The following SEMA4D variants were observed in gnomAD, a reference collection of about 807,000 sequenced individuals.
The protein encoded by SEMA4D is semaphorin-4D.
SEMA4D carries 22 observed loss-of-function variants against 74.8 expected under a neutral mutation model. The observed-to-expected ratio is 0.29, with a 90% confidence interval of 0.21 to 0.42. The LOEUF (loss-of-function observed/expected upper bound fraction) is 0.42, where lower values mean the gene tolerates loss of function less well. SEMA4D is among the 10% of genes least tolerant of loss of function. The probability of loss-of-function intolerance (pLI) is 1.00; values close to 1 mark genes in which losing one functional copy is unlikely to be tolerated. For synonymous variants in SEMA4D, 445 were observed against 463.7 expected (o/e 0.96, Z 0.52); for missense variants, 937 against 1,118.4 (o/e 0.84, Z 2.31).
At chr9:89,371,434 G>A (rs1255756804) in intron 16 of SEMA4D, among the ~76,000 whole-genome samples, 1 of 113,596 alleles carries the variant, frequency 8.8e-6, no homozygotes, top group Non-Finnish European at 1.9e-5. Flanking sequence ...TGGGGTGTGT[G>A]TGTGGGGTGT....
Position 89,377,344 on chromosome 9 carries a change from A to C in SEMA4D, c.*1360T>G. ...ATAAAACACAAATGTTTACACCAAAATGGTCAAATCCTATCATGCTGGAAG... is the reference window on the plus strand; with the variant it reads ...ATAAAACACAAATGTTTACACCAAACTGGTCAAATCCTATCATGCTGGAAG... On this transcript the variant is annotated 3_prime_UTR_variant, in exon 16 of 16. Transcript: ENST00000422704. 8.3e-5 allele frequency: 24 copies of C among 290,474 alleles called. No individual in the cohort carries two copies. Among genetic ancestry groups the C allele is most frequent in the Non-Finnish European group, 1.1e-4 (18 of 158,640 alleles). 18.0% of individuals were successfully genotyped at this position (290,474 alleles called of 1,614,324 possible).
intron 1 of SEMA4D, among the ~76,000 whole-genome samples, chr9:89,459,278 TG>T (rs1856704026): frequency 6.6e-6 from 1 of 152,186 alleles, no homozygotes. Flanking sequence ...GCATTTCTAA[TG>T]GGCCCTCAGG....
At chr9:89,489,133 C>T (rs1324086577) in intron 1 of SEMA4D, among the ~76,000 whole-genome samples, 2 of 152,208 alleles carry the variant, frequency 1.3e-5, no homozygotes, top group African/African-American at 4.8e-5. Flanking sequence ...TTGGCACAGA[C>T]GTAAACCAAC....
intron 13 of SEMA4D, chr9:89,385,117 T>C (rs1838145385): frequency 1.1e-6 from 1 of 941,056 alleles, no homozygotes; most frequent in Admixed American, 6.2e-5. Flanking sequence ...GTGACCGAGT[T>C]CTGGGAGATG....
intron 2 of SEMA4D, among the ~76,000 whole-genome samples, chr9:89,406,946 C>T (rs28651619): frequency 0.09 from 13,569 of 151,018 alleles, 991 homozygotes; most frequent in East Asian, 0.31. Flanking sequence ...CCGACCCCAT[C>T]TACCTCTAAC....
chr9:89,462,956 G>GAGGGGAGC (rs1181668675), intron 1 of SEMA4D, among the ~76,000 whole-genome samples: 1 of 95,510 alleles, frequency 1.0e-5, no homozygotes, highest in Non-Finnish European at 2.4e-5. Flanking sequence ...GAAAGGAGGG[G>GAGGGGAGC]GGAGCGAGCG....
chr9:89,432,984 T>C (rs1422026790), intron 2 of SEMA4D, among the ~76,000 whole-genome samples: 1 of 152,230 alleles, frequency 6.6e-6, no homozygotes, highest in Non-Finnish European at 1.5e-5. Flanking sequence ...TGACCCCACC[T>C]TTATAAGGAC....
chr9:89,452,254 C>T (rs1262187511), intron 2 of SEMA4D, among the ~76,000 whole-genome samples: 2 of 150,104 alleles, frequency 1.3e-5, no homozygotes, highest in African/African-American at 4.9e-5. Flanking sequence ...TCTCGGCTCA[C>T]TGCAAGCTCT....
intron 1 of SEMA4D, among the ~76,000 whole-genome samples, chr9:89,496,922 C>T (rs191802748): frequency 8.7e-4 from 132 of 152,370 alleles, no homozygotes; most frequent in Admixed American, 3.2e-3. Flanking sequence ...CCAGGCCCCA[C>T]GTCCAGCTTG....
chr9:89,362,246 CCCATCAGGT>C (rs1460937018), exon 19 of SEMA4D: 1 of 1,283,566 alleles, frequency 7.8e-7, no homozygotes, highest in African/African-American at 1.5e-5. Flanking sequence ...CCCGCCTCTG[CCCATCAGGT>C]GGTGGCCCAA....
At chr9:89,468,704 T>C (rs902711271) in intron 1 of SEMA4D, among the ~76,000 whole-genome samples, 2 of 152,128 alleles carry the variant, frequency 1.3e-5, no homozygotes, top group African/African-American at 2.4e-5. Context: ...CCCCTCTAAG[T>C]GGTGGCTGCG....
At chr9:89,377,069 C>G, downstream of SEMA4D, 4 of 1,521,160 alleles carry the variant, frequency 2.6e-6, no homozygotes, top group Non-Finnish European at 3.6e-6. Flanking sequence ...ACAGAGAGGA[C>G]AGAAAAGAGA....
At chr9:89,375,452 C>T (rs536269669), downstream of SEMA4D, among the ~76,000 whole-genome samples, 381 of 152,316 alleles carry the variant, frequency 2.5e-3, no homozygotes, top group Middle Eastern at 0.01. Context: ...GTGCTGGCTG[C>T]CAAGGGACAT....
intron 1 of SEMA4D, among the ~76,000 whole-genome samples, chr9:89,462,949 A>G (rs1387023010): frequency 3.9e-5 from 4 of 101,866 alleles, no homozygotes; most frequent in East Asian, 2.5e-4. Context: ...CTGGAAAGAA[A>G]GGAGGGGGGA....
intron 1 of SEMA4D, among the ~76,000 whole-genome samples, chr9:89,459,536 G>A (rs73488261): frequency 6.6e-6 from 1 of 152,166 alleles, no homozygotes; most frequent in African/African-American, 2.4e-5. Flanking sequence ...AGGGTGTTGG[G>A]GGGGAGTCTT....
rs374919496 is a variant in SEMA4D, at chr9:89,490,244, A to AG, written c.-310+7674dup. ...CAGCACTTTGATTCACAATAAACCC[A>AG]GAAGAGGAAACAATTCAAACTTCCA... On this transcript the variant is annotated intron_variant, in intron 1 of 15. Transcript: ENST00000422704. Among the ~76,000 whole-genome samples, 238 of 152,362 alleles carry AG rather than the reference A, an allele frequency of 1.6e-3. 1 individual carries two copies. Among genetic ancestry groups the AG allele is most frequent in the African/African-American group, 5.4e-3 (226 of 41,590 alleles).
intron 1 of SEMA4D, among the ~76,000 whole-genome samples, chr9:89,462,818 C>A (rs1857572749): frequency 6.7e-6 from 1 of 149,978 alleles, no homozygotes; most frequent in Non-Finnish European, 1.5e-5. Context: ...GTGACATGCA[C>A]CTGTAGTCCC....
chr9:89,484,668 G>A lies in SEMA4D; in HGVS notation c.-310+13251C>T, dbSNP rs1011266854. On this transcript the variant is annotated intron_variant, in intron 1 of 15. Transcript: ENST00000422704. The surrounding 1 kb of genome is among the most constrained non-coding windows in gnomAD (Gnocchi z 4.1). ...GTAGTGTGTGTGTGGTGTGGTGTGT[G>A]TATGTAGTGTGGTGGCTGTGTGTGT... 6.6e-6 allele frequency among the ~76,000 whole-genome samples: 1 copy of A among 151,212 alleles called. No individual in the cohort carries two copies. The highest frequency in any genetic ancestry group is 1.5e-5 in the Non-Finnish European group (1 of 67,768).
rs1011321667 is a variant in SEMA4D at position 89,484,889 on chromosome 9, G to A, written c.-310+13030C>T. ...GGTGTTTGTGGTGTGGGGGGTATGT[G>A]TGTAGTGTGTGGTATGGGGTGTGTG... On this transcript the variant is annotated intron_variant, in intron 1 of 15. Transcript: ENST00000422704. This position sits in a 1 kb window ranked among gnomAD's most constrained non-coding sequence, Gnocchi z 4.1. 6.6e-6 allele frequency among the ~76,000 whole-genome samples: 1 copy of A among 150,782 alleles called. No individual in the cohort carries two copies. The highest frequency in any genetic ancestry group is 2.4e-5 in the African/African-American group (1 of 40,916).
Sources: allele counts gnomAD v4.1 joint callset (sites outside exome capture counted in the v4.1 genomes callset), GRCh38; gene constraint gnomAD v4.1.1; non-coding constraint Gnocchi (gnomAD v3.1); transcripts MANE v1.5; gene names NCBI Gene and HGNC (gene_info 2026-07-23, HGNC 2026-07-21).